MCF2L: variants seen among roughly 807,000 people sequenced by gnomAD.
The protein encoded by MCF2L is MCF.2 cell line derived transforming sequence like.
In MCF2L, 97 loss-of-function variants were observed where a neutral mutation model predicts 153.4. The observed-to-expected ratio is 0.63, with a 90% confidence interval of 0.54 to 0.75. The LOEUF (loss-of-function observed/expected upper bound fraction) is 0.75. Ranked by LOEUF, MCF2L falls within the 30% of genes least tolerant of loss-of-function variation. MCF2L has a pLI of 0.00. For synonymous variants in MCF2L, 659 were observed against 632.2 expected (o/e 1.04, Z -0.64); for missense variants, 1,347 against 1,495.2 (o/e 0.90, Z 1.64).
intron 1 of MCF2L, among the ~76,000 whole-genome samples, chr13:112,987,149 G>A (rs2082680071): frequency 6.6e-6 from 1 of 152,136 alleles, no homozygotes; most frequent in African/African-American, 2.4e-5. Context: ...CCTTCACCCG[G>A]CTGCAGGGCC....
chr13:112,995,578 G>T (rs2083092228), intron 1 of MCF2L, among the ~76,000 whole-genome samples: 1 of 152,180 alleles, frequency 6.6e-6, no homozygotes, highest in Non-Finnish European at 1.5e-5. Flanking sequence ...TGAGCCTGCG[G>T]CGTTGTGGCT....
chr13:112,911,464 C>T (rs1279667348), intron 2 of MCF2L, among the ~76,000 whole-genome samples: 3 of 152,244 alleles, frequency 2.0e-5, no homozygotes, highest in Non-Finnish European at 4.4e-5. Context: ...CCAGCGTGGC[C>T]GCCATGTTGG....
At chr13:113,005,495 G>A (rs960354021) in intron 1 of MCF2L, among the ~76,000 whole-genome samples, 3 of 151,862 alleles carry the variant, frequency 2.0e-5, no homozygotes, top group South Asian at 2.1e-4. Context: ...GTTTGTTGTG[G>A]CCATGGTTGG....
chr13:112,947,540 A>G (rs1309264177), intron 2 of MCF2L, among the ~76,000 whole-genome samples: 1 of 152,208 alleles, frequency 6.6e-6, no homozygotes, highest in Non-Finnish European at 1.5e-5. Flanking sequence ...CCCTTCCAAA[A>G]GGAAAAATAG....
At chr13:113,090,046 G>A (rs2035052118) in intron 26 of MCF2L, 1 of 1,583,282 alleles carries the variant, frequency 6.3e-7, no homozygotes, top group Admixed American at 1.8e-5. Flanking sequence ...CCTCTGCATA[G>A]TTTCTTTCTC....
At chr13:113,055,376 C>G (rs1293589684) in intron 4 of MCF2L, among the ~76,000 whole-genome samples, 1 of 60,390 alleles carries the variant, frequency 1.7e-5, no homozygotes, top group Non-Finnish European at 3.6e-5. Context: ...TGGACCCCCC[C>G]CCCCGCCACA....
chr13:112,960,321 C>T lies in MCF2L; in HGVS notation c.170-54442C>T, dbSNP rs1265676495. 6.6e-6 allele frequency among the ~76,000 whole-genome samples: 1 copy of T among 152,192 alleles called. No individual in the cohort carries two copies. The highest frequency in any genetic ancestry group is 1.5e-5 in the Non-Finnish European group (1 of 68,034). ...GCGCGCTCTCACAACTGAAACAGCG[C>T]TCGTCCAGTCATGAGGGCAGGGTCC... is the stretch of plus-strand genomic sequence containing the variant. On this transcript the variant is annotated intron_variant, in intron 2 of 29. Transcript: ENST00000375608. This position sits in a 1 kb window ranked among gnomAD's most constrained non-coding sequence, Gnocchi z 4.2.
At chr13:113,088,866 C>T (rs953267075) in intron 25 of MCF2L, among the ~76,000 whole-genome samples, 4 of 152,212 alleles carry the variant, frequency 2.6e-5, no homozygotes, top group African/African-American at 9.6e-5. Flanking sequence ...TTCCACAGCA[C>T]GGCAGTGCGC....
intron 2 of MCF2L, among the ~76,000 whole-genome samples, chr13:112,942,377 A>C (rs946090778): frequency 6.6e-6 from 1 of 152,056 alleles, no homozygotes; most frequent in African/African-American, 2.4e-5. Flanking sequence ...ACATGACCTT[A>C]CCTATCATTG....
chr13:112,970,052 T>C (rs961175011), intron 1 of MCF2L, among the ~76,000 whole-genome samples: 12 of 152,148 alleles, frequency 7.9e-5, no homozygotes, highest in African/African-American at 2.7e-4. Context: ...TTCTTTTAGG[T>C]GTAAGCAGAG....
rs1313047263 is a variant in MCF2L, at chr13:113,027,343, C to T, written c.278+2585C>T. On this transcript the variant is annotated intron_variant, in intron 3 of 29. Transcript: ENST00000535094. The surrounding 1 kb of genome is among the most constrained non-coding windows in gnomAD (Gnocchi z 4.8). ...CCTCAAGGAGAGGGAGAGCGGTGGGCACCTCTGTCCACTTGGCGGGTTGAG... is the reference window on the plus strand; with the variant it reads ...CCTCAAGGAGAGGGAGAGCGGTGGGTACCTCTGTCCACTTGGCGGGTTGAG... 6.6e-6 allele frequency among the ~76,000 whole-genome samples: 1 copy of T among 152,052 alleles called. No individual in the cohort carries two copies. Among genetic ancestry groups the T allele is most frequent in the Admixed American group, 6.6e-5 (1 of 15,266 alleles).
At chr13:112,910,678 C>T (rs1341164563) in intron 2 of MCF2L, 1 of 152,224 alleles carries the variant, frequency 6.6e-6, no homozygotes, top group Non-Finnish European at 1.5e-5. Flanking sequence ...TTATCTATGT[C>T]AGAATAAATG....
At position 113,086,340 on chromosome 13, in the gene MCF2L, T is replaced by G; in HGVS notation, c.2373+91T>G. On this transcript the variant is annotated intron_variant, in intron 21 of 29. Transcript: ENST00000535094. ...CGGCCTCCCTGCACACGCCCCTCGC[T>G]TTGGTGTGAATGTGCAGGTTCTGGG... 2.6e-6 allele frequency: 4 copies of G among 1,548,384 alleles called. No homozygotes were observed. The South Asian group carries it at 4.7e-5, about 18-fold the overall frequency.
chr13:113,079,672 C>G (rs981017162), intron 15 of MCF2L, among the ~76,000 whole-genome samples: 1 of 152,268 alleles, frequency 6.6e-6, no homozygotes. Flanking sequence ...CTGTCACTTC[C>G]GGCTTCTGAT....
In MCF2L at chr13:112,901,176, C is replaced by T. The variant is rs1361752983; in HGVS notation, c.-4-1023C>T. On this transcript the variant is annotated intron_variant, in intron 1 of 29. Transcript: ENST00000375608. ...ATTTTTTATTTTATTTTTTTTGAGA[C>T]GGAGTTTCACTGTTGTGCCTAGGCT... is the stretch of plus-strand genomic sequence containing the variant. 3.3e-5 allele frequency among the ~76,000 whole-genome samples: 5 copies of T among 152,078 alleles called. No individual in the cohort carries two copies. In the East Asian group the frequency reaches 7.7e-4, roughly 23 times the overall value.
At chr13:112,978,399 G>C (rs1409431949) in intron 1 of MCF2L, among the ~76,000 whole-genome samples, 5 of 152,212 alleles carry the variant, frequency 3.3e-5, no homozygotes, top group Non-Finnish European at 5.9e-5. Context: ...ATGGTATGTG[G>C]AGCTCTGTCT....
intron 21 of MCF2L, among the ~76,000 whole-genome samples, chr13:113,086,913 G>T (rs927681018): frequency 2.6e-5 from 4 of 152,130 alleles, no homozygotes; most frequent in Non-Finnish European, 5.9e-5. Flanking sequence ...ACTGAGGGCC[G>T]TTCCCCTTGG....
chr13:113,077,271 T>C, intron 13 of MCF2L, 60 bp downstream of exon 13: 1 of 1,446,548 alleles, frequency 6.9e-7, no homozygotes, highest in Non-Finnish European at 9.1e-7. Context: ...CCCCGGGCGT[T>C]GAGAGCTTGG....
At chr13:113,000,890 G>A (rs1423402430) in intron 1 of MCF2L, among the ~76,000 whole-genome samples, 9 of 152,224 alleles carry the variant, frequency 5.9e-5, no homozygotes, top group African/African-American at 1.9e-4. Flanking sequence ...AGGCCTTCTC[G>A]GCTGGGGCTG....
Sources: allele counts gnomAD v4.1 joint callset (sites outside exome capture counted in the v4.1 genomes callset), GRCh38; gene constraint gnomAD v4.1.1; non-coding constraint Gnocchi (gnomAD v3.1); transcripts MANE v1.5; gene names NCBI Gene and HGNC (gene_info 2026-07-23, HGNC 2026-07-21).